Variants in YAF2 observed in about 807,000 individuals in gnomAD.
YAF2 encodes the protein YY1-associated factor 2.
In YAF2, 7 loss-of-function variants were observed where a neutral mutation model predicts 20.1. The observed-to-expected ratio is 0.35, with a 90% CI of 0.20 to 0.65. The LOEUF (loss-of-function observed/expected upper bound fraction) is 0.65, where lower values mean the gene tolerates loss of function less well. Among genes scored for constraint, YAF2 ranks in the 30% least tolerant of loss-of-function variants. The pLI, the probability that YAF2 is intolerant of heterozygous loss-of-function variation, is 0.69. For synonymous variants in YAF2, 74 were observed against 76.0 expected (o/e 0.97, Z 0.14); for missense variants, 151 against 219.2 (o/e 0.69, Z 1.96).
chr12:42,232,307 A>C, intron 2 of YAF2: 1 of 638,060 alleles, frequency 1.6e-6, no homozygotes, highest in Non-Finnish European at 1.9e-6. Context: ...GAAAAAGGCA[A>C]ATAACATCTT....
At chr12:42,187,991 A>T (rs2066516468) in intron 2 of YAF2, among the ~76,000 whole-genome samples, 1 of 152,202 alleles carries the variant, frequency 6.6e-6, no homozygotes, top group Non-Finnish European at 1.5e-5. Context: ...CAGCTGAGTC[A>T]AGCCTTCAGG....
intron 2 of YAF2, chr12:42,233,518 T>C: frequency 1.0e-6 from 1 of 977,732 alleles, no homozygotes; most frequent in Non-Finnish European, 1.2e-6. Flanking sequence ...TGACTCAGAA[T>C]TTTGTTTTTT....
chr12:42,215,814 C>T (rs898630117), intron 2 of YAF2, among the ~76,000 whole-genome samples: 1 of 151,780 alleles, frequency 6.6e-6, no homozygotes, highest in Non-Finnish European at 1.5e-5. Context: ...CCTAGCTACT[C>T]GGGAGGCTGA....
intron 2 of YAF2, among the ~76,000 whole-genome samples, chr12:42,226,808 G>A (rs769930117): frequency 3.3e-5 from 5 of 151,784 alleles, no homozygotes; most frequent in Non-Finnish European, 7.4e-5. Context: ...CAAATTTGAA[G>A]AAACATTAAT....
intron 2 of YAF2, among the ~76,000 whole-genome samples, chr12:42,226,779 G>A (rs1008807446): frequency 5.9e-5 from 9 of 152,168 alleles, no homozygotes; most frequent in African/African-American, 1.9e-4. Context: ...AGCAACGCCA[G>A]GTGTCAAATA....
At chr12:42,163,243 A>G (rs2065838186) in intron 2 of YAF2, among the ~76,000 whole-genome samples, 1 of 152,208 alleles carries the variant, frequency 6.6e-6, no homozygotes, top group South Asian at 2.1e-4. Context: ...GATGGAGAGC[A>G]GAGTGGCAGA....
At chr12:42,218,448 T>C (rs2067424195) in intron 2 of YAF2, among the ~76,000 whole-genome samples, 1 of 152,188 alleles carries the variant, frequency 6.6e-6, no homozygotes, top group Admixed American at 6.6e-5. Context: ...ATTGCCTATT[T>C]TATTGTGTAA....
Position 42,194,462 on chromosome 12 carries a change from G to A in YAF2, c.153-32697C>T, listed in dbSNP as rs112421904. On this transcript the variant is annotated intron_variant, in intron 2 of 3. Transcript: ENST00000534854. ...AGTTCGAGACCAGTCTGGCCAACAC[G>A]GTGAAAACCCGTCTCTACTAAAAAA... 5.1e-3 allele frequency among the ~76,000 whole-genome samples: 776 copies of A among 152,202 alleles called. 6 individuals are homozygous for A. Among genetic ancestry groups the A allele is most frequent in the South Asian group, 0.025 (122 of 4,826 alleles).
chr12:42,208,470 T>G (rs950260873), intron 2 of YAF2, among the ~76,000 whole-genome samples: 1 of 152,008 alleles, frequency 6.6e-6, no homozygotes, highest in African/African-American at 2.4e-5. Flanking sequence ...AAATTAAAAT[T>G]TAAAAATAGC....
At chr12:42,214,246 G>A (rs376378716) in intron 2 of YAF2, among the ~76,000 whole-genome samples, 67 of 152,132 alleles carry the variant, frequency 4.4e-4, no homozygotes, top group African/African-American at 1.5e-3. Context: ...TCAACTTGCC[G>A]TTAACTACAA....
In YAF2 at chr12:42,165,773, GTTT is replaced by G. The variant is rs71084620; in HGVS notation, c.153-4011_153-4009del. Among the ~76,000 whole-genome samples the G allele has an allele frequency of 4.2e-3, 484 of 116,064 alleles. 1 individual carries two copies. Among genetic ancestry groups the G allele is most frequent in the Non-Finnish European group, 6.5e-3 (387 of 59,182 alleles). 76.1% of individuals were successfully genotyped at this position (116,064 alleles called of 152,430 possible). On this transcript the variant is annotated intron_variant, in intron 2 of 3. Coordinates refer to ENST00000534854, the MANE Select transcript of YAF2 (RefSeq NM_005748.6). ...GATGTGAGCTGCTGCGCCCGGCCAGGTTTTTTTTTTTTTTTTTTTTTTTAATGT... is the reference window on the plus strand; with the variant it reads ...GATGTGAGCTGCTGCGCCCGGCCAGGTTTTTTTTTTTTTTTTTTTTAATGT...
At chr12:42,187,863 A>T (rs1048450268) in intron 2 of YAF2, among the ~76,000 whole-genome samples, 1 of 152,184 alleles carries the variant, frequency 6.6e-6, no homozygotes, top group Admixed American at 6.5e-5. Flanking sequence ...GCTAAGTCAT[A>T]AAAGACATTG....
chr12:42,231,703 G>A (rs1314299167), intron 2 of YAF2: 2 of 152,050 alleles, frequency 1.3e-5, no homozygotes, highest in African/African-American at 4.8e-5. Flanking sequence ...CACATTTCAT[G>A]GTGAAATATC....
At chr12:42,197,992 C>T (rs2137138992) in intron 2 of YAF2, among the ~76,000 whole-genome samples, 1 of 151,982 alleles carries the variant, frequency 6.6e-6, no homozygotes, top group Middle Eastern at 3.4e-3. Context: ...TGTTCACTCT[C>T]AAATAGTATC....
intron 2 of YAF2, among the ~76,000 whole-genome samples, chr12:42,191,031 T>C (rs1171266099): frequency 6.6e-6 from 1 of 152,186 alleles, no homozygotes; most frequent in Non-Finnish European, 1.5e-5. Context: ...AACAACAGAA[T>C]GATATATTTA....
At chr12:42,183,801 T>G (rs1260538106) in intron 2 of YAF2, among the ~76,000 whole-genome samples, 3 of 152,344 alleles carry the variant, frequency 2.0e-5, no homozygotes, top group African/African-American at 7.2e-5. Context: ...AAAAGCATTA[T>G]TGAAAGAAGA....
At chr12:42,189,819 T>C (rs1184134554) in intron 2 of YAF2, among the ~76,000 whole-genome samples, 1 of 152,140 alleles carries the variant, frequency 6.6e-6, no homozygotes, top group Non-Finnish European at 1.5e-5. Context: ...ACAGATAACA[T>C]GTATCAGAAG....
intron 2 of YAF2, among the ~76,000 whole-genome samples, chr12:42,174,534 A>G (rs375502767): frequency 4.7e-4 from 71 of 152,318 alleles, no homozygotes; most frequent in African/African-American, 1.6e-3. Context: ...GATACCTCTT[A>G]TCTACGCTAA....
At chr12:42,237,556 C>T in intron 2 of YAF2, 43 bp downstream of exon 2, 1 of 1,483,346 alleles carries the variant, frequency 6.7e-7, no homozygotes, top group Non-Finnish European at 9.0e-7. Flanking sequence ...CTCTGGTCGC[C>T]ACCCCGCCGG....
Sources: gnomAD v4.1 joint callset for allele counts (sites outside exome capture counted in the v4.1 genomes callset) on GRCh38, gnomAD v4.1.1 for gene constraint, MANE v1.5 for transcripts, NCBI Gene and HGNC (gene_info 2026-07-23, HGNC 2026-07-21) for gene names.